Variants in ZFAND3 observed in about 807,000 individuals in gnomAD.
The protein encoded by ZFAND3 is AN1-type zinc finger protein 3.
Under a neutral mutation model 29.6 loss-of-function variants are expected in ZFAND3, and 10 were observed. That is an observed-to-expected ratio of 0.34 (90% CI 0.21 to 0.57). The LOEUF (loss-of-function observed/expected upper bound fraction) is 0.57. ZFAND3 is among the 20% of genes least tolerant of loss of function. The probability of loss-of-function intolerance (pLI) is 0.86; values close to 1 mark genes in which losing one functional copy is unlikely to be tolerated. For missense variants in ZFAND3, 230 were observed against 304.5 expected, an observed-to-expected ratio of 0.76 and a Z score of 1.82; for synonymous variants, 128 against 112.6, an observed-to-expected ratio of 1.14 and a Z score of -0.87.
rs183627698 is a variant in ZFAND3 at position 37,888,565 on chromosome 6, C to T, written c.72-41394C>T. 7.9e-5 allele frequency among the ~76,000 whole-genome samples: 12 copies of T among 152,098 alleles called. No individual in the cohort carries two copies. In the East Asian group the frequency reaches 1.9e-3, roughly 24 times the overall value. The stretch of plus-strand genomic sequence containing the variant: ...TGTATATCCCTTTTCTTTTTTTCCA[C>T]GGTGCTCTGGAATCCTTGGAAATAT... On this transcript the variant is annotated intron_variant, in intron 1 of 5. Transcript: ENST00000287218.
intron 3 of ZFAND3, among the ~76,000 whole-genome samples, chr6:38,065,461 G>C (rs997569811): frequency 6.6e-6 from 1 of 152,162 alleles, no homozygotes; most frequent in African/African-American, 2.4e-5. Context: ...GCCAAAGAAC[G>C]AATTTCAGTT....
At chr6:38,041,050 C>T (rs1367264854) in intron 2 of ZFAND3, among the ~76,000 whole-genome samples, 1 of 152,136 alleles carries the variant, frequency 6.6e-6, no homozygotes, top group Admixed American at 6.5e-5. Context: ...AGTCCCTTAG[C>T]CTGTTTTTGT....
At chr6:38,142,482 G>T (rs1183500965) in intron 5 of ZFAND3, among the ~76,000 whole-genome samples, 1 of 152,232 alleles carries the variant, frequency 6.6e-6, no homozygotes. Context: ...TGGATGGAAT[G>T]CGTGCCTCCC....
chr6:37,847,789 C>T (rs541343785), intron 1 of ZFAND3, among the ~76,000 whole-genome samples: 82 of 152,204 alleles, frequency 5.4e-4, no homozygotes, highest in African/African-American at 1.8e-3. Context: ...AATGATGTTA[C>T]GTTTTTAAAG....
intron 3 of ZFAND3, among the ~76,000 whole-genome samples, chr6:38,080,986 C>T (rs1764650207): frequency 6.6e-6 from 1 of 152,060 alleles, no homozygotes. Flanking sequence ...TTATTCTTGC[C>T]TCATTTTCAA....
chr6:37,870,281 C>T (rs1354262022), intron 1 of ZFAND3, among the ~76,000 whole-genome samples: 21 of 104,164 alleles, frequency 2.0e-4, no homozygotes, highest in South Asian at 9.3e-4. Context: ...GGCGACAGAG[C>T]GAGACTGTCT....
At chr6:37,961,151 C>T (rs902422823) in intron 2 of ZFAND3, among the ~76,000 whole-genome samples, 5 of 152,124 alleles carry the variant, frequency 3.3e-5, no homozygotes, top group Non-Finnish European at 7.4e-5. Context: ...CTGGACCTGC[C>T]CTGGGCCACC....
intron 4 of ZFAND3, among the ~76,000 whole-genome samples, chr6:38,101,145 T>C (rs1045996830): frequency 1.3e-5 from 2 of 152,248 alleles, no homozygotes; most frequent in Admixed American, 1.3e-4. Context: ...GCTCCTCTCA[T>C]GTTTCAAATA....
At chr6:37,875,607 C>A (rs961718188) in intron 1 of ZFAND3, among the ~76,000 whole-genome samples, 2 of 149,276 alleles carry the variant, frequency 1.3e-5, no homozygotes, top group Non-Finnish European at 3.0e-5. Flanking sequence ...TATATTAGTT[C>A]TTGTTTATGT....
At chr6:38,097,248 CA>C (rs146779961) in intron 4 of ZFAND3, among the ~76,000 whole-genome samples, 1 of 124,050 alleles carries the variant, frequency 8.1e-6, no homozygotes, top group African/African-American at 3.0e-5. Context: ...GTTAATTTTT[CA>C]TTTTTTTTTT....
chr6:38,018,506 C>T (rs1191878217), intron 2 of ZFAND3, among the ~76,000 whole-genome samples: 1 of 152,148 alleles, frequency 6.6e-6, no homozygotes, highest in Non-Finnish European at 1.5e-5. Flanking sequence ...AAATCTCCCA[C>T]CTGCTCCTGA....
At chr6:37,946,940 T>C (rs917377408) in intron 2 of ZFAND3, among the ~76,000 whole-genome samples, 8 of 152,104 alleles carry the variant, frequency 5.3e-5, no homozygotes, top group African/African-American at 1.9e-4. Context: ...GAAAAAAAGC[T>C]CTGGAGATGG....
At chr6:37,823,912 C>T (rs1184571218) in intron 1 of ZFAND3, among the ~76,000 whole-genome samples, 1 of 152,028 alleles carries the variant, frequency 6.6e-6, no homozygotes, top group Admixed American at 6.6e-5. Flanking sequence ...CTGCCCCAGC[C>T]TCCTGAGTAG....
intron 4 of ZFAND3, among the ~76,000 whole-genome samples, chr6:38,104,733 ATAAAT>A (rs1478442332): frequency 6.6e-6 from 1 of 152,228 alleles, no homozygotes; most frequent in South Asian, 2.1e-4. Flanking sequence ...TATATCCTAG[ATAAAT>A]TAATAATCAT....
At chr6:38,030,390 G>T (rs1763536396) in intron 2 of ZFAND3, among the ~76,000 whole-genome samples, 2 of 151,732 alleles carry the variant, frequency 1.3e-5, no homozygotes, top group African/African-American at 4.8e-5. Flanking sequence ...AATTCAGTTT[G>T]GGTATTTTCT....
chr6:37,942,073 A>T (rs1197126702), intron 2 of ZFAND3, among the ~76,000 whole-genome samples: 1 of 152,092 alleles, frequency 6.6e-6, no homozygotes, highest in South Asian at 2.1e-4. Flanking sequence ...TTTTAATCCA[A>T]ACTGAATGTA....
chr6:37,866,564 G>T (rs986739982), intron 1 of ZFAND3, among the ~76,000 whole-genome samples: 4 of 152,156 alleles, frequency 2.6e-5, no homozygotes, highest in Non-Finnish European at 5.9e-5. Context: ...GGCTTATCCA[G>T]AAAGTAGTCA....
intron 2 of ZFAND3, among the ~76,000 whole-genome samples, chr6:37,949,817 A>T (rs1005581385): frequency 1.3e-5 from 2 of 152,182 alleles, no homozygotes; most frequent in African/African-American, 4.8e-5. Flanking sequence ...TGTACATGGA[A>T]GAGTTCTTCT....
At chr6:38,115,007 T>C (rs568864662) in intron 4 of ZFAND3, among the ~76,000 whole-genome samples, 1 of 152,306 alleles carries the variant, frequency 6.6e-6, no homozygotes, top group South Asian at 2.1e-4. Context: ...GATTCAGTGA[T>C]CTAGAAGTGA....
Sources: gnomAD v4.1 joint callset for allele counts (sites outside exome capture counted in the v4.1 genomes callset) on GRCh38, gnomAD v4.1.1 for gene constraint, MANE v1.5 for transcripts, NCBI Gene and HGNC (gene_info 2026-07-23, HGNC 2026-07-21) for gene names.